The following RP1 variants were observed in gnomAD, a reference collection of about 807,000 sequenced individuals.
RP1 encodes the protein oxygen-regulated protein 1.
Under a neutral mutation model 14.8 loss-of-function variants are expected in RP1, and 16 were observed. The observed-to-expected ratio is 1.08, with a 90% CI of 0.73 to 1.65. The LOEUF is 1.65. RP1 is among the 40% of genes most tolerant of loss of function. The pLI, the probability that RP1 is intolerant of heterozygous loss-of-function variation, is 0.00. For synonymous variants in RP1, 876 were observed against 883.6 expected (o/e 0.99, Z 0.15); for missense variants, 2,631 against 2,535.0 (o/e 1.04, Z -0.81).
intron 12 of RP1, among the ~76,000 whole-genome samples, chr8:54,687,728 G>C (rs979851088): frequency 1.3e-5 from 2 of 151,930 alleles, no homozygotes; most frequent in Admixed American, 6.6e-5. Context: ...CATTTGTGTC[G>C]GTTCCAAGAC....
chr8:54,658,306 C>T (rs577732129), intron 6 of RP1, among the ~76,000 whole-genome samples: 73 of 152,036 alleles, frequency 4.8e-4, no homozygotes, highest in East Asian at 2.3e-3. Context: ...AATCCCAGCA[C>T]TTTGGGAGGC....
chr8:54,855,369 C>T (rs1052848596), intron 26 of RP1, among the ~76,000 whole-genome samples: 6 of 152,284 alleles, frequency 3.9e-5, no homozygotes, highest in African/African-American at 9.6e-5. Context: ...CCATTTACCC[C>T]GTGATGGACA....
At chr8:54,798,398 C>T (rs573647469) in intron 24 of RP1, among the ~76,000 whole-genome samples, 2 of 152,068 alleles carry the variant, frequency 1.3e-5, no homozygotes, top group South Asian at 2.1e-4. Flanking sequence ...ACAAAGAGAG[C>T]GATAGATTAG....
At position 54,652,890 on chromosome 8, in the gene RP1, C is replaced by A. The variant is rs746564946; in HGVS notation, c.1038+24C>A. 10 of 1,485,520 alleles carry A rather than the reference C, an allele frequency of 6.7e-6. No individual in the cohort carries two copies. In the African/African-American group the frequency reaches 1.4e-4, roughly 21 times the overall value. The allele number at this position is 1,485,520 out of a possible 1,614,324, so 92.0% of individuals were successfully genotyped here. On this transcript the variant is annotated intron_variant, in intron 5 of 22. Coordinates refer to the RP1 transcript ENST00000636932. Reference sequence around the variant, plus strand: ...AGGTAAGGATATATCAACACTTTCCCATTCTTTGCAAAATCCTCTGCATAT... The same window carrying A: ...AGGTAAGGATATATCAACACTTTCCAATTCTTTGCAAAATCCTCTGCATAT...
At chr8:54,846,707 AT>A (rs113338101) in intron 25 of RP1, among the ~76,000 whole-genome samples, 1,951 of 151,992 alleles carry the variant, frequency 0.013, 50 homozygotes, top group African/African-American at 0.044. Context: ...CTTTCTTCTC[AT>A]TTCTGCCCCT....
intron 22 of RP1, among the ~76,000 whole-genome samples, chr8:54,766,011 GGGAA>G (rs1809751863): frequency 6.6e-6 from 1 of 152,048 alleles, no homozygotes; most frequent in African/African-American, 2.4e-5. Flanking sequence ...AAGGAAGGAA[GGGAA>G]GGAAGGAGGG....
intron 1 of RP1, among the ~76,000 whole-genome samples, chr8:54,570,225 G>A (rs893605178): frequency 3.3e-5 from 5 of 152,160 alleles, no homozygotes; most frequent in African/African-American, 1.2e-4. Context: ...GAGGGAGGGA[G>A]AAGGAAAGAC....
intron 12 of RP1, among the ~76,000 whole-genome samples, chr8:54,687,522 C>T (rs1807595699): frequency 1.3e-5 from 2 of 152,054 alleles, no homozygotes; most frequent in Non-Finnish European, 2.9e-5. Context: ...CATGTGTTCT[C>T]ATTGTTCGAC....
chr8:54,630,017 T>C lies in RP1; in HGVS notation c.6135T>C (p.Gly2045=). 1 of 1,614,028 alleles carries C rather than the reference T, an allele frequency of 6.2e-7. No homozygotes were observed. Among genetic ancestry groups the C allele is most frequent in the Non-Finnish European group, 8.5e-7 (1 of 1,179,962 alleles). ...TGCACACATCATTGTTAGTTGTGGGTAATGTGGATTCAAATACACAAGACC... is the reference window on the plus strand; with the variant it reads ...TGCACACATCATTGTTAGTTGTGGGCAATGTGGATTCAAATACACAAGACC... ...NFLHTSLLVV[G]NVDSNTQDLS... is the part of the protein sequence containing the mutation. The change falls in exon 4 of 4, where the codon GGT becomes GGC. Residue 2045 remains glycine (G), a synonymous_variant. Coordinates refer to ENST00000220676, the MANE Select transcript of RP1 (RefSeq NM_006269.2).
In RP1 at chr8:54,809,015, T is replaced by C. The variant is rs1020487772; in HGVS notation, c.3615+25305T>C. Among the ~76,000 whole-genome samples the C allele has an allele frequency of 2.0e-5, 3 of 152,378 alleles. No homozygotes were observed. In the Middle Eastern group the frequency reaches 0.01, roughly 518 times the overall value. ...TACCAATGAAGCTAAAAGCTCTAGTTCTACCAAGTATTTGAATAGTTGTAG... is the reference window on the plus strand; with the variant it reads ...TACCAATGAAGCTAAAAGCTCTAGTCCTACCAAGTATTTGAATAGTTGTAG... On this transcript the variant is annotated intron_variant, in intron 24 of 28. Coordinates refer to the RP1 transcript ENST00000637698.
chr8:54,743,709 C>T (rs1281656922), intron 19 of RP1, among the ~76,000 whole-genome samples: 3 of 152,090 alleles, frequency 2.0e-5, no homozygotes, highest in Non-Finnish European at 4.4e-5. Flanking sequence ...TTATCTAGTA[C>T]TTTCTTTTCC....
chr8:54,598,859 C>T (rs1805207776), intron 1 of RP1, among the ~76,000 whole-genome samples: 1 of 152,180 alleles, frequency 6.6e-6, no homozygotes, highest in Non-Finnish European at 1.5e-5. Flanking sequence ...TTTTCCCTTA[C>T]AGGTAATGTG....
chr8:54,687,612 C>T (rs1807598175), intron 12 of RP1, among the ~76,000 whole-genome samples: 1 of 152,154 alleles, frequency 6.6e-6, no homozygotes, highest in Admixed American at 6.6e-5. Flanking sequence ...TTTCCAGTTT[C>T]ATCCATGTCT....
chr8:54,828,108 G>T (rs375675816), intron 24 of RP1, among the ~76,000 whole-genome samples: 3 of 152,008 alleles, frequency 2.0e-5, no homozygotes, highest in Admixed American at 6.5e-5. Context: ...CTTTCTTCTG[G>T]ATACCTCCTG....
In RP1 at chr8:54,755,736, A is replaced by G. The variant is rs1410061852; in HGVS notation, c.3059A>G (p.Lys1020Arg). The stretch of plus-strand genomic sequence containing the variant: ...GACTCTGGCCTCAGACAGCTGTACA[A>G]ATCTAACATGCAAGTAAAATTTCAA... Residue 1020 changes from lysine to arginine, a missense_variant, in exon 21 of 23, where the codon AAA becomes AGA. Coordinates refer to the RP1 transcript ENST00000636932. The G allele has an allele frequency of 2.0e-6, 3 of 1,529,118 alleles. No individual in the cohort carries two copies. The African/African-American group carries it at 4.1e-5, about 21-fold the overall frequency. 94.7% of individuals were successfully genotyped at this position (1,529,118 alleles called of 1,614,324 possible).
At chr8:54,663,096 T>C (rs1806937193) in intron 6 of RP1, among the ~76,000 whole-genome samples, 1 of 152,196 alleles carries the variant, frequency 6.6e-6, no homozygotes, top group South Asian at 2.1e-4. Context: ...AATCTTCTGC[T>C]GTCCTGCTCC....
intron 24 of RP1, among the ~76,000 whole-genome samples, chr8:54,828,882 CTTTTTTT>C (rs201534661): frequency 1.4e-4 from 12 of 83,938 alleles, no homozygotes; most frequent in African/African-American, 3.4e-4. Flanking sequence ...TCTTCTTCTT[CTTTTTTT>C]TTTTTTTTTT....
intron 7 of RP1, among the ~76,000 whole-genome samples, chr8:54,669,168 A>C (rs987430493): frequency 6.6e-6 from 1 of 152,188 alleles, no homozygotes; most frequent in Non-Finnish European, 1.5e-5. Context: ...AAAGAACTTA[A>C]ACAAATTTAC....
chr8:54,678,595 C>A, intron 9 of RP1: 1 of 1,370,204 alleles, frequency 7.3e-7, no homozygotes, highest in Non-Finnish European at 1.0e-6. Flanking sequence ...CAAGTTTGTG[C>A]ATTGAGAACT....
Sources: gnomAD v4.1 joint callset for allele counts (sites outside exome capture counted in the v4.1 genomes callset) on GRCh38, gnomAD v4.1.1 for gene constraint, MANE v1.5 for transcripts, NCBI Gene and HGNC (gene_info 2026-07-23, HGNC 2026-07-21) for gene names.